DISP1: variants seen among roughly 807,000 people sequenced by gnomAD.
DISP1 encodes the protein dispatched RND transporter family member 1.
DISP1 carries 30 observed loss-of-function variants against 37.3 expected under a neutral mutation model. The observed-to-expected ratio is 0.80, with a 90% confidence interval of 0.60 to 1.09. The LOEUF (loss-of-function observed/expected upper bound fraction) is 1.09. DISP1 is among the 50% of genes least tolerant of loss of function. DISP1 has a pLI of 0.00. For missense variants in DISP1, 1,598 were observed against 1,879.5 expected, an observed-to-expected ratio of 0.85 and a Z score of 2.77; for synonymous variants, 634 against 690.2, an observed-to-expected ratio of 0.92 and a Z score of 1.28.
At chr1:222,963,735 G>C (rs545843090) in intron 3 of DISP1, among the ~76,000 whole-genome samples, 1 of 151,774 alleles carries the variant, frequency 6.6e-6, no homozygotes. Flanking sequence ...TGGACACTGG[G>C]GGGGAACAAC....
chr1:222,903,821 G>A (rs1671749883), intron 1 of DISP1, among the ~76,000 whole-genome samples: 1 of 152,158 alleles, frequency 6.6e-6, no homozygotes. Context: ...GCCATTCCCA[G>A]GTTCTGAGGT....
At chr1:222,921,137 C>A (rs1350166797) in intron 1 of DISP1, among the ~76,000 whole-genome samples, 3 of 152,060 alleles carry the variant, frequency 2.0e-5, no homozygotes, top group African/African-American at 4.8e-5. Context: ...TGGTGAAACA[C>A]CCTGTCTCTA....
At chr1:222,844,447 A>T (rs1400275345) in intron 1 of DISP1, among the ~76,000 whole-genome samples, 1 of 152,158 alleles carries the variant, frequency 6.6e-6, no homozygotes, top group Admixed American at 6.5e-5. Context: ...AGTACTGACT[A>T]ATCTGCCTTC....
Position 222,943,256 on chromosome 1 carries a change from C to G in DISP1, c.433C>G (p.Pro145Ala). Residue 145 changes from proline (P) to alanine (A), a missense_variant, in exon 3 of 9, where the codon CCA becomes GCA. Pro to Ala is a conservative substitution (Grantham distance 27, BLOSUM62 -1). Coordinates refer to ENST00000675850, the MANE Select transcript of DISP1 (RefSeq NM_001377229.1). The part of the protein sequence containing the change: ...YQTTCCLQPS[P>A]SFCLHHPWPD... ...GACTACGTGCTGTCTTCAGCCCTCTCCATCCTTCTGCCTGCATCATCCGTG... is the reference window on the plus strand; with the variant it reads ...GACTACGTGCTGTCTTCAGCCCTCTGCATCCTTCTGCCTGCATCATCCGTG... The G allele has an allele frequency of 3.1e-6, 5 of 1,614,004 alleles. No individual in the cohort carries two copies. The highest frequency in any genetic ancestry group is 4.2e-6 in the Non-Finnish European group (5 of 1,179,900).
intron 1 of DISP1, among the ~76,000 whole-genome samples, chr1:222,927,804 G>A (rs180885310): frequency 3.9e-4 from 60 of 152,266 alleles, no homozygotes; most frequent in African/African-American, 1.3e-3. Flanking sequence ...GGCATCATGA[G>A]GGCCATATGT....
intron 1 of DISP1, among the ~76,000 whole-genome samples, chr1:222,914,552 A>G (rs17163564): frequency 0.16 from 23,761 of 152,102 alleles, 1,954 homozygotes; most frequent in East Asian, 0.31. Context: ...AGGCACTGCA[A>G]ATACTATTAT....
chr1:222,845,774 T>A (rs1031838488), intron 1 of DISP1, among the ~76,000 whole-genome samples: 1 of 152,338 alleles, frequency 6.6e-6, no homozygotes, highest in African/African-American at 2.4e-5. Flanking sequence ...TAATTTACTT[T>A]TTTCCCCTCT....
At chr1:222,918,363 T>C (rs1672611858) in intron 1 of DISP1, among the ~76,000 whole-genome samples, 2 of 152,234 alleles carry the variant, frequency 1.3e-5, no homozygotes. Flanking sequence ...TGGGCACAAG[T>C]CATCTTAACT....
intron 1 of DISP1, among the ~76,000 whole-genome samples, chr1:222,884,706 C>A (rs1303359032): frequency 6.6e-6 from 1 of 152,174 alleles, no homozygotes; most frequent in African/African-American, 2.4e-5. Flanking sequence ...GGTGTCTGCC[C>A]AGTTTTTACT....
chr1:222,916,054 ATATT>A (rs1213379620), intron 1 of DISP1, among the ~76,000 whole-genome samples: 1 of 152,194 alleles, frequency 6.6e-6, no homozygotes, highest in Non-Finnish European at 1.5e-5. Flanking sequence ...TTCACTTTAA[ATATT>A]TACCCTCTTC....
chr1:222,973,431 G>A (rs138358205), intron 3 of DISP1, among the ~76,000 whole-genome samples: 2 of 152,208 alleles, frequency 1.3e-5, no homozygotes, highest in African/African-American at 4.8e-5. Flanking sequence ...AATACAGTAT[G>A]AGTTGTTTTG....
chr1:222,849,400 T>G (rs971211746), intron 1 of DISP1, among the ~76,000 whole-genome samples: 1 of 152,126 alleles, frequency 6.6e-6, no homozygotes, highest in African/African-American at 2.4e-5. Context: ...CTAAACCTAG[T>G]ATTTATACAA....
intron 1 of DISP1, among the ~76,000 whole-genome samples, chr1:222,868,349 ATATG>A (rs1669319879): frequency 6.6e-6 from 1 of 152,080 alleles, no homozygotes; most frequent in Non-Finnish European, 1.5e-5. Flanking sequence ...CTACATATAT[ATATG>A]TGTGTGTATA....
chr1:222,901,753 C>T (rs1671598941), intron 1 of DISP1, among the ~76,000 whole-genome samples: 1 of 152,194 alleles, frequency 6.6e-6, no homozygotes, highest in Non-Finnish European at 1.5e-5. Context: ...TCTGGAACTC[C>T]TGACTTCCAG....
chr1:222,851,776 C>CTTTT (rs71178503), intron 1 of DISP1, among the ~76,000 whole-genome samples: 2 of 144,160 alleles, frequency 1.4e-5, no homozygotes, highest in African/African-American at 2.6e-5. Flanking sequence ...GTAAATATTT[C>CTTTT]TTTTTTTTTT....
intron 1 of DISP1, among the ~76,000 whole-genome samples, chr1:222,879,830 A>G (rs1670176550): frequency 6.6e-6 from 1 of 152,156 alleles, no homozygotes; most frequent in Non-Finnish European, 1.5e-5. Flanking sequence ...TTTAAAATAA[A>G]ATACTGTTAA....
intron 3 of DISP1, among the ~76,000 whole-genome samples, chr1:222,946,358 T>C (rs907189503): frequency 9.1e-5 from 12 of 132,120 alleles, no homozygotes; most frequent in Admixed American, 4.4e-4. Context: ...CACTCCAGCC[T>C]GGGCGACAAA....
chr1:222,899,714 G>T (rs1671476553), intron 1 of DISP1: 2 of 152,352 alleles, frequency 1.3e-5, no homozygotes, highest in African/African-American at 2.4e-5. Flanking sequence ...GAATACTTGG[G>T]ATTACAGTCG....
intron 3 of DISP1, among the ~76,000 whole-genome samples, chr1:222,951,797 A>G (rs1675242706): frequency 6.6e-6 from 1 of 152,234 alleles, no homozygotes. Context: ...AGTGGACAAG[A>G]CAAGACACTT....
Sources: allele counts gnomAD v4.1 joint callset (sites outside exome capture counted in the v4.1 genomes callset), GRCh38; gene constraint gnomAD v4.1.1; transcripts MANE v1.5; gene names NCBI Gene and HGNC (gene_info 2026-07-23, HGNC 2026-07-21).